GRM5: variants seen among roughly 807,000 people sequenced by gnomAD.
GRM5 encodes the protein glutamate metabotropic receptor 5.
GRM5 carries 19 observed loss-of-function variants against 83.1 expected under a neutral mutation model. The observed-to-expected ratio is 0.23, with a 90% confidence interval of 0.16 to 0.34. GRM5 has a LOEUF of 0.34. Ranked by LOEUF, GRM5 falls within the 10% of genes least tolerant of loss-of-function variation. GRM5 has a pLI of 1.00. For synonymous variants in GRM5, 675 were observed against 633.6 expected, an observed-to-expected ratio of 1.07 and a Z score of -0.98; for missense variants, 1,160 against 1,588.3, an observed-to-expected ratio of 0.73 and a Z score of 4.58.
chr11:88,781,874 T>A (rs1348927446), intron 3 of GRM5, among the ~76,000 whole-genome samples: 2 of 152,206 alleles, frequency 1.3e-5, no homozygotes, highest in African/African-American at 4.8e-5. Flanking sequence ...GCAATGGGGC[T>A]GCCCACAGCA....
intron 3 of GRM5, among the ~76,000 whole-genome samples, chr11:88,655,447 T>C (rs1210822123): frequency 6.6e-6 from 1 of 152,130 alleles, no homozygotes; most frequent in Non-Finnish European, 1.5e-5. Context: ...TTGCTCCTTT[T>C]GTTAACATTA....
At chr11:88,762,145 A>G (rs1302574418) in intron 3 of GRM5, among the ~76,000 whole-genome samples, 1 of 152,132 alleles carries the variant, frequency 6.6e-6, no homozygotes, top group East Asian at 1.9e-4. Context: ...TTTTATGACA[A>G]AGACACCAGA....
At chr11:89,064,352 T>C (rs1942056055) in intron 1 of GRM5, among the ~76,000 whole-genome samples, 1 of 152,152 alleles carries the variant, frequency 6.6e-6, no homozygotes, top group Non-Finnish European at 1.5e-5. Context: ...GACTTTAGGC[T>C]CTGTGGATCT....
intron 3 of GRM5, among the ~76,000 whole-genome samples, chr11:88,783,618 A>G (rs12364488): frequency 0.72 from 109,777 of 151,804 alleles, 40,131 homozygotes; most frequent in Non-Finnish European, 0.75. Context: ...CTTTTAATTC[A>G]AATGTTTTGT....
At chr11:88,579,801 C>T (rs3899716) in intron 7 of GRM5, among the ~76,000 whole-genome samples, 76,466 of 152,022 alleles carry the variant, frequency 0.5, 22,692 homozygotes, top group African/African-American at 0.84. Context: ...CATTGTAGAT[C>T]CTTATACAAT....
chr11:88,824,796 A>C (rs1943865989), intron 3 of GRM5, among the ~76,000 whole-genome samples: 1 of 152,060 alleles, frequency 6.6e-6, no homozygotes, highest in Admixed American at 6.6e-5. Context: ...CCCCTGCTCT[A>C]AATAATTTAC....
At chr11:88,845,423 CTTTTTTT>C (rs71046265) in intron 3 of GRM5, among the ~76,000 whole-genome samples, 116 of 92,428 alleles carry the variant, frequency 1.3e-3, no homozygotes, top group South Asian at 5.1e-3. Flanking sequence ...ATAAACATAA[CTTTTTTT>C]TTTTTTTTTT....
chr11:88,989,187 C>CA (rs1053850729), intron 2 of GRM5, among the ~76,000 whole-genome samples: 2 of 140,252 alleles, frequency 1.4e-5, no homozygotes, highest in Admixed American at 7.1e-5. Flanking sequence ...AAATGGAAAA[C>CA]AAAAAAAGGC....
intron 4 of GRM5, among the ~76,000 whole-genome samples, chr11:88,625,909 T>C (rs1481359208): frequency 2.0e-5 from 3 of 152,140 alleles, no homozygotes; most frequent in Admixed American, 6.5e-5. Flanking sequence ...TAATGATTTC[T>C]CCCGTGCCAC....
intron 3 of GRM5, among the ~76,000 whole-genome samples, chr11:88,768,703 G>C (rs1171336446): frequency 1.3e-5 from 2 of 151,944 alleles, no homozygotes; most frequent in Admixed American, 6.6e-5. Context: ...AAAGAGACAA[G>C]AGAGTGAATG....
At chr11:88,654,348 G>A (rs1939713694) in intron 3 of GRM5, among the ~76,000 whole-genome samples, 1 of 152,004 alleles carries the variant, frequency 6.6e-6, no homozygotes, top group African/African-American at 2.4e-5. Context: ...TACAATTTGG[G>A]TACACCCTAG....
intron 9 of GRM5, among the ~76,000 whole-genome samples, chr11:88,510,781 G>A (rs921018983): frequency 6.6e-6 from 1 of 152,206 alleles, no homozygotes; most frequent in African/African-American, 2.4e-5. Flanking sequence ...CTCCTAAAGT[G>A]TTGGGATTAC....
At chr11:89,039,282 T>A (rs193214959) in intron 2 of GRM5, among the ~76,000 whole-genome samples, 2,406 of 139,386 alleles carry the variant, frequency 0.017, 29 homozygotes, top group African/African-American at 0.029. Context: ...AAAAAAAATA[T>A]ATATATATAT....
chr11:88,886,175 T>G (rs537259113), intron 2 of GRM5, among the ~76,000 whole-genome samples: 2 of 152,282 alleles, frequency 1.3e-5, no homozygotes, highest in South Asian at 4.2e-4. Flanking sequence ...GAGAAAGCTG[T>G]TTCTCTTTCT....
chr11:88,511,890 T>G (rs1001208441), intron 9 of GRM5: 2 of 152,194 alleles, frequency 1.3e-5, no homozygotes, highest in Non-Finnish European at 2.9e-5. Flanking sequence ...GTACAAGTAT[T>G]ATTTCAGGTC....
chr11:88,524,307 T>C (rs2135105847), intron 9 of GRM5, among the ~76,000 whole-genome samples: 1 of 146,896 alleles, frequency 6.8e-6, no homozygotes, highest in East Asian at 2.2e-4. Flanking sequence ...AACCTCTGCC[T>C]CCTGGGTTCA....
rs530335979 is a variant in GRM5, at chr11:88,878,177, G to A, written c.662-28022C>T. Reference sequence around the variant, plus strand: ...TGCCAAATTTGGAAAAAGCAAAAAAGCACAGATGTTCTTCGATAGGTGAAT... The same window carrying A: ...TGCCAAATTTGGAAAAAGCAAAAAAACACAGATGTTCTTCGATAGGTGAAT... On this transcript the variant is annotated intron_variant, in intron 2 of 9. Transcript: ENST00000305447. Among the ~76,000 whole-genome samples, 18 of 152,160 alleles carry A rather than the reference G, an allele frequency of 1.2e-4. No homozygotes were observed. In the East Asian group the frequency reaches 3.1e-3, roughly 26 times the overall value.
At chr11:88,935,233 G>A (rs528059459) in intron 2 of GRM5, among the ~76,000 whole-genome samples, 18 of 151,942 alleles carry the variant, frequency 1.2e-4, no homozygotes, top group Non-Finnish European at 2.7e-4. Context: ...CAATTGTGTT[G>A]GCTGTCAATT....
chr11:88,652,997 G>A (rs574037058), intron 4 of GRM5, among the ~76,000 whole-genome samples, 171 bp downstream of exon 4: 22 of 152,114 alleles, frequency 1.4e-4, no homozygotes, highest in African/African-American at 4.8e-4. Flanking sequence ...GCTCTGATAT[G>A]TTTTTCCTAA....
Sources: allele counts gnomAD v4.1 joint callset (sites outside exome capture counted in the v4.1 genomes callset), GRCh38; gene constraint gnomAD v4.1.1; transcripts MANE v1.5; gene names NCBI Gene and HGNC (gene_info 2026-07-23, HGNC 2026-07-21).